MGLL: variants seen among roughly 807,000 people sequenced by gnomAD.
MGLL encodes the protein monoglyceride lipase.
MGLL carries 7 observed loss-of-function variants against 29.1 expected under a neutral mutation model. The ratio of observed to expected loss-of-function variants is 0.24; its 90% confidence interval spans 0.14 to 0.45. The LOEUF (loss-of-function observed/expected upper bound fraction) is 0.45. MGLL is among the 20% of genes least tolerant of loss of function. The pLI is 0.99. For synonymous variants in MGLL, 148 were observed against 168.3 expected (o/e 0.88, Z 0.93); for missense variants, 356 against 413.6 (o/e 0.86, Z 1.21).
chr3:127,706,594 A>C (rs1021381250), intron 6 of MGLL, among the ~76,000 whole-genome samples: 1 of 152,230 alleles, frequency 6.6e-6, no homozygotes, highest in East Asian at 1.9e-4. Context: ...ACCACCCCAC[A>C]TGGAGCCATA....
In MGLL at chr3:127,822,452, C is replaced by A; in HGVS notation, c.-134G>T. ...CCGAGCCCTCTTCCCGCACCCAGAC[C>A]CTGCCTTTCGGGCTGGGGCGCTCAG... is the stretch of plus-strand genomic sequence containing the variant. On this transcript the variant is annotated 5_prime_UTR_variant, in exon 1 of 8. Coordinates refer to ENST00000265052, the MANE Select transcript of MGLL (RefSeq NM_007283.7). 1 of 932,402 alleles carries A rather than the reference C, an allele frequency of 1.1e-6. No homozygotes were observed. The highest frequency in any genetic ancestry group is 1.7e-6 in the Non-Finnish European group (1 of 587,444). The allele number at this position is 932,402 out of a possible 1,614,324, so 57.8% of individuals were successfully genotyped here. A position where few individuals can be genotyped will look rare whatever the true frequency, so the allele number is the denominator to read the frequency against.
intron 3 of MGLL, among the ~76,000 whole-genome samples, chr3:127,761,000 T>C (rs1479348985): frequency 6.6e-6 from 1 of 152,212 alleles, no homozygotes; most frequent in Admixed American, 6.5e-5. Context: ...ACAGGGCTCA[T>C]CCTCCAGGCC....
intron 6 of MGLL, among the ~76,000 whole-genome samples, chr3:127,708,049 C>A (rs1296840550): frequency 1.3e-5 from 2 of 152,210 alleles, no homozygotes; most frequent in African/African-American, 2.4e-5. Flanking sequence ...CCCCCATAGT[C>A]CTGCTCACTC....
Position 127,797,535 on chromosome 3 carries a change from CA to C in MGLL, c.156-15641del, listed in dbSNP as rs2077404483. On this transcript the variant is annotated intron_variant, in intron 2 of 7. Transcript: ENST00000265052. Reference sequence around the variant, plus strand: ...TGATTCCTTATTTATATGCCTAAGACATATAATGCCTAAGACATCCGGAATG... The same window carrying C: ...TGATTCCTTATTTATATGCCTAAGACTATAATGCCTAAGACATCCGGAATG... 3.3e-5 allele frequency among the ~76,000 whole-genome samples: 5 copies of C among 152,158 alleles called. No homozygotes were observed. The South Asian group carries it at 8.3e-4, about 25-fold the overall frequency.
chr3:127,798,689 G>T (rs1312010256), intron 2 of MGLL, among the ~76,000 whole-genome samples: 1 of 152,158 alleles, frequency 6.6e-6, no homozygotes, highest in Non-Finnish European at 1.5e-5. Flanking sequence ...TATTCCTGTT[G>T]TGTCAACAGC....
chr3:127,752,318 C>G (rs1011936670), intron 3 of MGLL, among the ~76,000 whole-genome samples: 1 of 152,174 alleles, frequency 6.6e-6, no homozygotes, highest in Non-Finnish European at 1.5e-5. Context: ...AGGCTGGCCT[C>G]GAACTCCTGA....
intron 3 of MGLL, among the ~76,000 whole-genome samples, chr3:127,735,252 C>T (rs1212177093): frequency 1.3e-5 from 2 of 152,176 alleles, no homozygotes; most frequent in African/African-American, 2.4e-5. Flanking sequence ...ATTTGGTATC[C>T]GGTAAGGTTG....
rs144366571 is a variant in MGLL at position 127,695,342 on chromosome 3, G to A, written c.601-152C>T. Reference sequence around the variant, plus strand: ...TTGGGCATGGCTCTGAAGGCCAGCCGTGTTCATCCACAAACCTCATCTGCA... The same window carrying A: ...TTGGGCATGGCTCTGAAGGCCAGCCATGTTCATCCACAAACCTCATCTGCA... On this transcript the variant is annotated intron_variant, in intron 6 of 7. Coordinates refer to ENST00000265052, the MANE Select transcript of MGLL (RefSeq NM_007283.7). The A allele has an allele frequency of 1.7e-4, 127 of 742,868 alleles. No individual in the cohort carries two copies. The Middle Eastern group carries it at 1.8e-3, about 11-fold the overall frequency. The allele number at this position is 742,868 out of a possible 1,614,324, so 46.0% of individuals were successfully genotyped here.
chr3:127,720,095 C>T (rs3773159), intron 5 of MGLL, among the ~76,000 whole-genome samples: 24,204 of 152,136 alleles, frequency 0.16, 2,080 homozygotes, highest in Middle Eastern at 0.37. Context: ...GAAGAGAGTG[C>T]GGTGGGGGAA....
At chr3:127,725,381 A>G (rs1197434160) in intron 3 of MGLL, among the ~76,000 whole-genome samples, 2 of 152,242 alleles carry the variant, frequency 1.3e-5, no homozygotes, top group African/African-American at 2.4e-5. Context: ...AAGTGGCATG[A>G]AAGATGTACA....
At chr3:127,713,450 C>T (rs1332316371) in intron 5 of MGLL, 1 of 152,400 alleles carries the variant, frequency 6.6e-6, no homozygotes, top group Non-Finnish European at 1.5e-5. Flanking sequence ...ACCCACCTGC[C>T]TGCTGGGGCC....
At chr3:127,820,229 GAAGTT>G (rs1559991514) in intron 2 of MGLL, among the ~76,000 whole-genome samples, 1 of 152,148 alleles carries the variant, frequency 6.6e-6, no homozygotes, top group African/African-American at 2.4e-5. Flanking sequence ...TTTAAATTAA[GAAGTT>G]GAGTTATCAT....
Position 127,695,189 on chromosome 3 carries a change from A to G in MGLL, c.602T>C (p.Val201Ala). 6.2e-7 allele frequency: 1 copy of G among 1,613,512 alleles called. No individual in the cohort carries two copies. Among genetic ancestry groups the G allele is most frequent in the Non-Finnish European group, 8.5e-7 (1 of 1,179,680 alleles). ...SSVLSRNKTE[V>A]DIYNSDPLIC... is the part of the protein sequence containing the mutation. ...CAGGGGGTCTGAGTTATAAATGTCG[A>G]CCTGGAGGAAGAAGGAGAGGGTTCC... is the stretch of plus-strand genomic sequence containing the variant. The change falls in exon 7 of 8, where the codon GTC (valine) becomes GCC (alanine). Residue 201 changes from valine (V) to alanine (A), a missense_variant and splice_region_variant. Coordinates refer to ENST00000265052, the MANE Select transcript of MGLL (RefSeq NM_007283.7).
At chr3:127,752,563 T>C (rs1178057360) in intron 3 of MGLL, among the ~76,000 whole-genome samples, 1 of 152,186 alleles carries the variant, frequency 6.6e-6, no homozygotes, top group Non-Finnish European at 1.5e-5. Flanking sequence ...TGACTCTTCC[T>C]GTGCTCATGG....
chr3:127,813,950 T>G lies in MGLL; in HGVS notation c.155+7744A>C, dbSNP rs2107754965. 2.0e-5 allele frequency among the ~76,000 whole-genome samples: 3 copies of G among 152,022 alleles called. 1 individual carries two copies. In the Middle Eastern group the frequency reaches 0.01, roughly 517 times the overall value. ...TCTTCATTCTCTCCTCTATCCTTCC[T>G]CCTCCTTATTTTTCCCCTTCCCCTC... On this transcript the variant is annotated intron_variant, in intron 2 of 7. Coordinates refer to ENST00000265052, the MANE Select transcript of MGLL (RefSeq NM_007283.7).
chr3:127,815,704 GCCCACACTCT>G (rs2077742454), intron 2 of MGLL, among the ~76,000 whole-genome samples: 1 of 152,240 alleles, frequency 6.6e-6, no homozygotes, highest in African/African-American at 2.4e-5. Context: ...CTGCGACCCA[GCCCACACTCT>G]GCTCACCAAC....
intron 6 of MGLL, among the ~76,000 whole-genome samples, chr3:127,699,134 C>T (rs2075429256): frequency 6.6e-6 from 1 of 152,228 alleles, no homozygotes; most frequent in Admixed American, 6.5e-5. Context: ...CCAAAGCCTC[C>T]TCTTGGGTTT....
intron 3 of MGLL, among the ~76,000 whole-genome samples, chr3:127,739,777 C>T (rs1326230842): frequency 6.6e-6 from 1 of 152,196 alleles, no homozygotes; most frequent in African/African-American, 2.4e-5. Flanking sequence ...GGGTGTGGAC[C>T]AGTGGTACTG....
intron 6 of MGLL, among the ~76,000 whole-genome samples, chr3:127,708,168 C>T (rs1327137291): frequency 1.3e-5 from 2 of 152,182 alleles, no homozygotes. Flanking sequence ...ATGTTAGATG[C>T]CTTTCCCAAC....
Sources: gnomAD v4.1 joint callset for allele counts (sites outside exome capture counted in the v4.1 genomes callset) on GRCh38, gnomAD v4.1.1 for gene constraint, MANE v1.5 for transcripts, NCBI Gene and HGNC (gene_info 2026-07-23, HGNC 2026-07-21) for gene names.